The following CASZ1 variants were observed in gnomAD, a reference collection of about 807,000 sequenced individuals.
CASZ1 encodes zinc finger protein castor homolog 1.
Under a neutral mutation model 135.2 loss-of-function variants are expected in CASZ1, and 28 were observed. That is an observed-to-expected ratio of 0.21 (90% CI 0.15 to 0.28). CASZ1 has a LOEUF of 0.28. Among genes scored for constraint, CASZ1 ranks in the 10% least tolerant of loss-of-function variants. The probability of loss-of-function intolerance (pLI) is 1.00; values close to 1 mark genes in which losing one functional copy is unlikely to be tolerated. For missense variants in CASZ1, 2,161 were observed against 2,453.3 expected (o/e 0.88, Z 2.52); for synonymous variants, 1,068 against 1,073.4 (o/e 0.99, Z 0.10).
In CASZ1 at chr1:10,639,402, C is replaced by G. The variant is rs1245583220; in HGVS notation, c.4820G>C (p.Gly1607Ala). 6.5e-7 allele frequency: 1 copy of G among 1,548,818 alleles called. No individual in the cohort carries two copies. Among genetic ancestry groups the G allele is most frequent in the African/African-American group, 1.4e-5 (1 of 73,168 alleles). ...ACTGATGGGAGGCCCGGGCGCGGGG[C>G]CCTCTGCCGCGGGCTCGCCGCGCTC... ...KQERGEPAAE[G>A]PAPGPPISLD... Residue 1607 changes from glycine to alanine, a missense_variant, in exon 21 of 21, where the codon GGC becomes GCC. By Grantham distance (60) the Gly-to-Ala change is moderately conservative (BLOSUM62 0). Around this residue, in one of 7 missense-constraint regions of CASZ1, gnomAD observed 240 missense variants for 321.4 expected, o/e 0.75. Transcript: ENST00000377022. This position sits in a 1 kb window ranked among gnomAD's most constrained non-coding sequence, Gnocchi z 4.0.
At position 10,695,974 on chromosome 1, in the gene CASZ1, A is replaced by G. The variant is rs529187261; in HGVS notation, c.-23-2062T>C. Among the ~76,000 whole-genome samples the G allele has an allele frequency of 4.1e-3, 628 of 152,170 alleles. 2 individuals carry two copies. Among genetic ancestry groups the G allele is most frequent in the African/African-American group, 0.015 (609 of 41,510 alleles). On this transcript the variant is annotated intron_variant, in intron 3 of 20. Transcript: ENST00000377022. ...GCGCTCCTCTTTCAGGAGGGGCCAC[A>G]CTGCCTTCAGATGAGGGGAGGGGAG...
chr1:10,710,541 C>T (rs1489297408), intron 2 of CASZ1, among the ~76,000 whole-genome samples: 1 of 152,218 alleles, frequency 6.6e-6, no homozygotes, highest in Non-Finnish European at 1.5e-5. Flanking sequence ...AGGAGTGGTT[C>T]TGGCAAAGGA....
Position 10,711,932 on chromosome 1 carries a change from G to C in CASZ1, c.-76-6388C>G, listed in dbSNP as rs1639292892. ...TGCCAGGGACTGGGGGAAGGGGACA[G>C]TGAGGAGGGACTGCTAAGGGGTTCA... is the stretch of plus-strand genomic sequence containing the variant. On this transcript the variant is annotated intron_variant, in intron 2 of 20. Transcript: ENST00000377022. This position sits in a 1 kb window ranked among gnomAD's most constrained non-coding sequence, Gnocchi z 4.4. Among the ~76,000 whole-genome samples the C allele has an allele frequency of 6.6e-6, 1 of 152,186 alleles. No homozygotes were observed. The highest frequency in any genetic ancestry group is 1.5e-5 in the Non-Finnish European group (1 of 68,030).
intron 9 of CASZ1, among the ~76,000 whole-genome samples, chr1:10,655,064 C>T (rs902832835): frequency 6.6e-6 from 1 of 151,536 alleles, no homozygotes; most frequent in Non-Finnish European, 1.5e-5. Context: ...GGCAACGTTG[C>T]CATATTGAGT....
At chr1:10,689,813 T>G (rs1401470948) in intron 4 of CASZ1, among the ~76,000 whole-genome samples, 1 of 152,222 alleles carries the variant, frequency 6.6e-6, no homozygotes, top group Non-Finnish European at 1.5e-5. Context: ...CAAAATCAAG[T>G]TGGGAGTCAG....
intron 4 of CASZ1, among the ~76,000 whole-genome samples, chr1:10,688,080 C>A (rs1638651426): frequency 6.6e-6 from 1 of 152,222 alleles, no homozygotes. Context: ...CGGCCCGTAC[C>A]AGGCCCGGGG....
At position 10,653,594 on chromosome 1, in the gene CASZ1, C is replaced by T; in HGVS notation, c.2463G>A (p.Leu821=). ...CTGCTGACCCAGACGACACGGCACC[C>T]AGGAGGCTGGGGGTGCCCACAGGCA... ...TSLPVGTPSL[L]GAVSSGSAAS... is the part of the protein sequence containing the mutation. Residue 821 remains leucine (L), a synonymous_variant, in exon 11 of 21, where the codon CTG becomes CTA. Transcript: ENST00000377022. The T allele has an allele frequency of 6.4e-7, 1 of 1,558,388 alleles. No individual in the cohort carries two copies. The highest frequency in any genetic ancestry group is 8.7e-7 in the Non-Finnish European group (1 of 1,150,170).
chr1:10,653,063 T>G, intron 11 of CASZ1: 6 of 396,802 alleles, frequency 1.5e-5, no homozygotes, highest in Non-Finnish European at 2.4e-5. Context: ...TGTGGGAGGG[T>G]GAGCAGACAG....
chr1:10,643,430 T>G, intron 18 of CASZ1, 119 bp from the exon 19 acceptor site: 1 of 1,115,516 alleles, frequency 9.0e-7, no homozygotes, highest in South Asian at 1.5e-5. Flanking sequence ...AGATGGTATC[T>G]GGGGAAAGGG....
At chr1:10,751,104 T>C (rs1640143082) in intron 2 of CASZ1, among the ~76,000 whole-genome samples, 1 of 151,748 alleles carries the variant, frequency 6.6e-6, no homozygotes, top group African/African-American at 2.4e-5. Context: ...ATTATTATTA[T>C]TGTGACTCTT....
intron 1 of CASZ1, among the ~76,000 whole-genome samples, chr1:10,792,161 GAAA>G (rs35822672): frequency 8.7e-6 from 1 of 115,138 alleles, no homozygotes; most frequent in Non-Finnish European, 1.9e-5. Flanking sequence ...CAGAAAGAAA[GAAA>G]AAAAAAAAAA....
chr1:10,770,114 T>C (rs898553795), intron 1 of CASZ1, among the ~76,000 whole-genome samples: 4 of 152,070 alleles, frequency 2.6e-5, no homozygotes. Flanking sequence ...AGACAGGGCC[T>C]GGCTCTGTCA....
In CASZ1 at chr1:10,693,536, G is replaced by GA. The variant is rs147127872; in HGVS notation, c.16+337dup. On this transcript the variant is annotated intron_variant, in intron 4 of 20. Transcript: ENST00000377022. The stretch of plus-strand genomic sequence containing the variant: ...AAAAAAAAAAAAAGGCACACACACA[G>GA]AAAAAAAACACGAAGCCATACAAAA... Among the ~76,000 whole-genome samples, 8 of 109,508 alleles carry GA rather than the reference G, an allele frequency of 7.3e-5. No individual in the cohort carries two copies. The South Asian group carries it at 1.6e-3, about 23-fold the overall frequency. The allele number at this position is 109,508 out of a possible 152,430, so 71.8% of individuals were successfully genotyped here. A position where few individuals can be genotyped will look rare whatever the true frequency, so the allele number is the denominator to read the frequency against.
At chr1:10,677,921 C>G (rs114491998) in intron 4 of CASZ1, among the ~76,000 whole-genome samples, 1 of 152,222 alleles carries the variant, frequency 6.6e-6, no homozygotes, top group Non-Finnish European at 1.5e-5. Context: ...CAGGCTCCCC[C>G]GTTCTCCAGG....
Position 10,648,156 on chromosome 1 carries a change from A to C in CASZ1, c.3159-17T>G, listed in dbSNP as rs1557462541. 1 of 1,472,162 alleles carries C rather than the reference A, an allele frequency of 6.8e-7. No individual in the cohort carries two copies. The highest frequency in any genetic ancestry group is 2.4e-5 in the Admixed American group (1 of 41,402). The allele number at this position is 1,472,162 out of a possible 1,614,324, so 91.2% of individuals were successfully genotyped here. On this transcript the variant is annotated splice_polypyrimidine_tract_variant and intron_variant, in intron 15 of 20. Transcript: ENST00000377022. The stretch of plus-strand genomic sequence containing the variant: ...AAGTGGAAGCTGCGAGAGGTAGAAG[A>C]GGGGGTCTCATGGGGGGCAGTGAAG...
intron 3 of CASZ1, among the ~76,000 whole-genome samples, chr1:10,702,371 C>T (rs1300587324): frequency 6.6e-6 from 1 of 152,174 alleles, no homozygotes; most frequent in Non-Finnish European, 1.5e-5. Flanking sequence ...CAGACCCCTC[C>T]TCTCATCCAC....
chr1:10,765,441 T>C (rs548409811), intron 1 of CASZ1, among the ~76,000 whole-genome samples: 44 of 151,580 alleles, frequency 2.9e-4, no homozygotes, highest in Non-Finnish European at 4.4e-4. Context: ...AAATCCTCCA[T>C]GATGTGTTGT....
intron 3 of CASZ1, among the ~76,000 whole-genome samples, chr1:10,702,725 C>T (rs989119158): frequency 3.3e-5 from 5 of 152,124 alleles, no homozygotes; most frequent in African/African-American, 1.2e-4. Flanking sequence ...CCACCCCTGC[C>T]AGCGGGGGAA....
chr1:10,718,254 G>C (rs535352887), intron 2 of CASZ1, among the ~76,000 whole-genome samples: 16 of 152,320 alleles, frequency 1.1e-4, no homozygotes, highest in African/African-American at 3.8e-4. Flanking sequence ...GATCCCACAA[G>C]ACAGGCCTTC....
Sources: allele counts gnomAD v4.1 joint callset (sites outside exome capture counted in the v4.1 genomes callset), GRCh38; gene constraint gnomAD v4.1.1; regional missense constraint gnomAD v4.1.1; non-coding constraint Gnocchi (gnomAD v3.1); transcripts MANE v1.5; gene names NCBI Gene and HGNC (gene_info 2026-07-23, HGNC 2026-07-21).